Variants in ETNPPL observed in about 807,000 individuals in gnomAD.
ETNPPL encodes ethanolamine-phosphate phospho-lyase.
Under a neutral mutation model 55.5 loss-of-function variants are expected in ETNPPL, and 30 were observed. The observed-to-expected ratio is 0.54, with a 90% confidence interval of 0.40 to 0.73. ETNPPL has a LOEUF of 0.73. Among genes scored for constraint, ETNPPL ranks in the 30% least tolerant of loss-of-function variants. The probability of loss-of-function intolerance (pLI) is 0.00; values close to 1 mark genes in which losing one functional copy is unlikely to be tolerated. For synonymous variants in ETNPPL, 202 were observed against 207.2 expected, an observed-to-expected ratio of 0.98 and a Z score of 0.21; for missense variants, 528 against 607.9, an observed-to-expected ratio of 0.87 and a Z score of 1.38.
intron 7 of ETNPPL, among the ~76,000 whole-genome samples, chr4:108,750,063 T>C (rs983583258): frequency 1.3e-5 from 2 of 152,152 alleles, no homozygotes; most frequent in African/African-American, 4.8e-5. Context: ...AAACAAGTAG[T>C]TGTTAACAGG....
intron 9 of ETNPPL, chr4:108,747,753 G>A (rs1197477725): frequency 3.0e-6 from 1 of 336,708 alleles, no homozygotes; most frequent in Non-Finnish European, 5.3e-6. Flanking sequence ...GTTAGAGACG[G>A]GATTTCACCC....
intron 4 of ETNPPL, among the ~76,000 whole-genome samples, chr4:108,755,693 A>C (rs1214987564): frequency 6.6e-6 from 1 of 152,132 alleles, no homozygotes; most frequent in Non-Finnish European, 1.5e-5. Flanking sequence ...GGCAGCGGGC[A>C]CCTATAATAC....
At chr4:108,754,175 G>A (rs894867522) in intron 5 of ETNPPL, among the ~76,000 whole-genome samples, 2 of 151,596 alleles carry the variant, frequency 1.3e-5, no homozygotes, top group African/African-American at 2.4e-5. Context: ...ACAGGATTTC[G>A]CCATGTTGTC....
Position 108,746,396 on chromosome 4 carries a change from C to A in ETNPPL, c.1303+3G>T. The A allele has an allele frequency of 6.2e-7, 1 of 1,611,508 alleles. No individual in the cohort carries two copies. Among genetic ancestry groups the A allele is most frequent in the Non-Finnish European group, 8.5e-7 (1 of 1,179,034 alleles). The stretch of plus-strand genomic sequence containing the variant: ...AAGACATCTTAAAGATCCATGGACC[C>A]ACCTGTTAGAATCCTATCAAGTTGG... On this transcript the variant is annotated splice_donor_region_variant and intron_variant, in intron 11 of 12. Transcript: ENST00000296486.
chr4:108,762,694 T>A, intron 1 of ETNPPL, 149 bp downstream of exon 1: 1 of 990,006 alleles, frequency 1.0e-6, no homozygotes, highest in Non-Finnish European at 1.6e-6. Context: ...CCCCTGCAGG[T>A]GGAGGCGCGC....
chr4:108,754,164 G>T (rs2125678673), intron 5 of ETNPPL, among the ~76,000 whole-genome samples: 1 of 151,826 alleles, frequency 6.6e-6, no homozygotes, highest in Non-Finnish European at 1.5e-5. Context: ...TTTAAGTAGA[G>T]ACAGGATTTC....
intron 9 of ETNPPL, among the ~76,000 whole-genome samples, chr4:108,747,151 AT>A (rs1560650238): frequency 4.4e-5 from 1 of 22,894 alleles, no homozygotes; most frequent in African/African-American, 2.7e-4. Flanking sequence ...TATATATAAT[AT>A]ATATATATAT....
intron 8 of ETNPPL, among the ~76,000 whole-genome samples, chr4:108,748,877 A>C (rs1728748585): frequency 6.6e-6 from 1 of 152,122 alleles, no homozygotes; most frequent in Admixed American, 6.5e-5. Context: ...CACAAGCAGA[A>C]ATACAAGGAG....
chr4:108,756,594 T>A, intron 3 of ETNPPL, 102 bp from the exon 4 acceptor site: 1 of 863,050 alleles, frequency 1.2e-6, no homozygotes, highest in South Asian at 1.5e-5. Context: ...CCTAGCGCTT[T>A]GAGAGGCCAA....
intron 1 of ETNPPL, among the ~76,000 whole-genome samples, chr4:108,761,617 A>C (rs894679234): frequency 6.6e-6 from 1 of 152,220 alleles, no homozygotes; most frequent in African/African-American, 2.4e-5. Flanking sequence ...CCATGGCTAC[A>C]CTCGTGCTTT....
At position 108,743,800 on chromosome 4, in the gene ETNPPL, A is replaced by G. The variant is rs1728330395; in HGVS notation, c.1360T>C (p.Cys454Arg). 2.5e-6 allele frequency: 4 copies of G among 1,608,858 alleles called. No homozygotes were observed. The highest frequency in any genetic ancestry group is 3.4e-6 in the Non-Finnish European group (4 of 1,175,438). Residue 454 changes from cysteine to arginine, a missense_variant, in exon 12 of 13, where the codon TGC becomes CGC. Coordinates refer to ENST00000296486, the MANE Select transcript of ETNPPL (RefSeq NM_031279.4). ...TAGCCAACCCTTACCTTTGTTTTGC[A>G]TGGAGTATTCTCAGAGGTCACACTT... ...TESVTSENTP[C>R]KTKMLKEAHI...
chr4:108,750,623 A>ATTTTTTT (rs1304381663), intron 7 of ETNPPL, among the ~76,000 whole-genome samples: 5 of 130,850 alleles, frequency 3.8e-5, no homozygotes, highest in Non-Finnish European at 7.7e-5. Context: ...GGATATATAT[A>ATTTTTTT]TATCCTATTA....
chr4:108,754,770 G>C (rs1729118468), intron 4 of ETNPPL, 60 bp from the exon 5 acceptor site: 1 of 1,015,390 alleles, frequency 9.8e-7, no homozygotes, highest in East Asian at 2.4e-5. Flanking sequence ...ATATTTTCAA[G>C]TATATGAAAA....
intron 9 of ETNPPL, among the ~76,000 whole-genome samples, chr4:108,747,142 ATATATAATATATATATATATATTATAT>A (rs1728570113): frequency 8.0e-5 from 2 of 24,882 alleles, no homozygotes; most frequent in African/African-American, 4.2e-4. Context: ...ATATATATAT[ATATATAATATATATATATATATTATAT>A]ATATATATAT....
rs374200394 is a variant in ETNPPL, at chr4:108,742,642, G to A, written c.1372-30C>T. On this transcript the variant is annotated intron_variant, in intron 12 of 12. Transcript: ENST00000296486. Reference sequence around the variant, plus strand: ...AAGACAGGCACACAAAGCTCCAGTGGGCATCCACCTCTAATCCAGCCTCCA... The same window carrying A: ...AAGACAGGCACACAAAGCTCCAGTGAGCATCCACCTCTAATCCAGCCTCCA... 2.7e-5 allele frequency: 43 copies of A among 1,612,648 alleles called. No individual in the cohort carries two copies. The African/African-American group carries it at 4.3e-4, about 16-fold the overall frequency.
rs151128765 is a variant in ETNPPL at position 108,742,505 on chromosome 4, G to T, written c.1479C>A (p.Leu493=). 1.8e-4 allele frequency: 288 copies of T among 1,614,022 alleles called. 1 individual carries two copies. In the African/African-American group the frequency reaches 3.2e-3, roughly 18 times the overall value. The change falls in exon 13 of 13, where the codon CTC becomes CTA. Residue 493 remains leucine, a synonymous_variant. Transcript: ENST00000296486. The part of the protein sequence containing the change: ...NGMCTDTHSL[L]SKRLKT ...TCAGTCATGTCTTGAGCCTCTTACT[G>T]AGCAGTGAATGTGTATCCGTGCACA... is the stretch of plus-strand genomic sequence containing the variant.
At chr4:108,762,149 A>T (rs948866866) in intron 1 of ETNPPL, 1 of 274,170 alleles carries the variant, frequency 3.6e-6, no homozygotes, top group Non-Finnish European at 7.5e-6. Context: ...AGGGAATATG[A>T]CATCCAACGA....
intron 4 of ETNPPL, among the ~76,000 whole-genome samples, chr4:108,755,778 G>A (rs1015033020): frequency 2.0e-5 from 3 of 152,138 alleles, no homozygotes; most frequent in Non-Finnish European, 2.9e-5. Flanking sequence ...TGGAGATCGC[G>A]CCACTGCACT....
intron 11 of ETNPPL, among the ~76,000 whole-genome samples, chr4:108,745,656 C>T (rs927594564): frequency 2.0e-5 from 3 of 151,502 alleles, no homozygotes; most frequent in East Asian, 1.9e-4. Flanking sequence ...TTAGGCTGGA[C>T]GCGGTGACTT....
Sources: gnomAD v4.1 joint callset for allele counts (sites outside exome capture counted in the v4.1 genomes callset) on GRCh38, gnomAD v4.1.1 for gene constraint, MANE v1.5 for transcripts, NCBI Gene and HGNC (gene_info 2026-07-23, HGNC 2026-07-21) for gene names.